PIEZO1: variants seen among roughly 807,000 people sequenced by gnomAD.
The protein encoded by PIEZO1 is piezo-type mechanosensitive ion channel component 1.
A neutral mutation model predicts 297.2 loss-of-function variants in PIEZO1; 296 were observed. The ratio of observed to expected loss-of-function variants is 1.00; its 90% CI spans 0.91 to 1.10. The LOEUF (loss-of-function observed/expected upper bound fraction) is 1.10, where lower values mean the gene tolerates loss of function less well. PIEZO1 is among the 50% of genes least tolerant of loss of function. The probability of loss-of-function intolerance (pLI) is 0.00; values close to 1 mark genes in which losing one functional copy is unlikely to be tolerated. For synonymous variants in PIEZO1, 2,427 were observed against 1,507.5 expected (o/e 1.61, Z -14.13); for missense variants, 5,018 against 3,455.5 (o/e 1.45, Z -11.34).
chr16:88,748,973 C>T (rs1031620114), intron 2 of PIEZO1, among the ~76,000 whole-genome samples: 2 of 144,792 alleles, frequency 1.4e-5, no homozygotes, highest in African/African-American at 5.1e-5. Context: ...CGCGGTGGCT[C>T]ACGTCTGTAA....
chr16:88,772,775 CA>C (rs59210137), intron 1 of PIEZO1, among the ~76,000 whole-genome samples: 241 of 122,446 alleles, frequency 2.0e-3, no homozygotes, highest in South Asian at 6.5e-3. Flanking sequence ...GAGACTCTGT[CA>C]AAAAAAAAAA....
In PIEZO1 at chr16:88,723,259, C is replaced by T; in HGVS notation, c.4405G>A (p.Ala1469Thr). Residue 1469 changes from alanine to threonine, a missense_variant, in exon 32 of 51, where the codon GCA becomes ACA. Coordinates refer to ENST00000301015, the MANE Select transcript of PIEZO1 (RefSeq NM_001142864.4). ...LRRRQQEQEQARQEQAGQLPT... is the reference protein window; with the variant it reads ...LRRRQQEQEQTRQEQAGQLPT... ...AGCTGTCCTGCCTGTTCCTGCCTTG[C>T]CTGCTCCTGCTCCTGCTGCCGCCGC... 6.6e-7 allele frequency: 1 copy of T among 1,508,620 alleles called. No homozygotes were observed. 93.5% of individuals were successfully genotyped at this position (1,508,620 alleles called of 1,614,324 possible).
intron 22 of PIEZO1, among the ~76,000 whole-genome samples, chr16:88,730,316 G>C (rs1904715325): frequency 6.6e-6 from 1 of 152,164 alleles, no homozygotes; most frequent in African/African-American, 2.4e-5. Context: ...ACGGGGCCGG[G>C]CGTGGCAGCT....
At position 88,720,511 on chromosome 16, in the gene PIEZO1, C is replaced by G; in HGVS notation, c.5823G>C (p.Pro1941=). Residue 1941 remains proline, a synonymous_variant, in exon 41 of 51, where the codon CCG becomes CCC. Transcript: ENST00000301015. ...GGATGTCGTGGAAGAAGCGCCGTAG[C>G]GGCCGATATGTGCCCTGGGCCCTGC... ...CLSLAQGTYR[P]LRRFFHDILH... The G allele has an allele frequency of 1.3e-6, 2 of 1,550,188 alleles. No homozygotes were observed. The highest frequency in any genetic ancestry group is 1.7e-6 in the Non-Finnish European group (2 of 1,146,952).
At chr16:88,732,144 GC>G (rs1597455071) in intron 21 of PIEZO1, among the ~76,000 whole-genome samples, 190 bp downstream of exon 21, 1 of 151,906 alleles carries the variant, frequency 6.6e-6, no homozygotes, top group East Asian at 1.9e-4. Context: ...ATCTAACTTG[GC>G]CCCCTGCCTG....
chr16:88,751,171 A>G (rs570132530), intron 1 of PIEZO1, among the ~76,000 whole-genome samples: 62 of 152,218 alleles, frequency 4.1e-4, no homozygotes, highest in African/African-American at 1.5e-3. Context: ...CCAAGACCCG[A>G]GCCTCACCCT....
chr16:88,766,444 G>C (rs936272891), intron 1 of PIEZO1, among the ~76,000 whole-genome samples: 2 of 152,220 alleles, frequency 1.3e-5, no homozygotes, highest in Non-Finnish European at 2.9e-5. Context: ...CACAGGTAGA[G>C]AGACATATCA....
intron 1 of PIEZO1, among the ~76,000 whole-genome samples, chr16:88,760,070 T>TCCACGCCTGGCCCCCCCC (rs1906858167): frequency 3.6e-5 from 5 of 140,130 alleles, no homozygotes; most frequent in South Asian, 2.2e-4. Flanking sequence ...TGACACCTGG[T>TCCACGCCTGGCCCCCCCC]CCACGCCTGG....
intron 30 of PIEZO1, 54 bp downstream of exon 30, chr16:88,724,955 A>T: frequency 8.8e-7 from 1 of 1,138,030 alleles, no homozygotes; most frequent in Non-Finnish European, 1.2e-6. Context: ...CAGAGGACAG[A>T]TGGGGGCACA....
At chr16:88,771,609 A>C (rs1907427124) in intron 1 of PIEZO1, among the ~76,000 whole-genome samples, 1 of 152,168 alleles carries the variant, frequency 6.6e-6, no homozygotes, top group Non-Finnish European at 1.5e-5. Flanking sequence ...CGGAGGTCCC[A>C]AGCTAGCCAT....
At chr16:88,732,269 G>T (rs1243728714) in intron 21 of PIEZO1, 66 bp downstream of exon 21, 2 of 1,395,868 alleles carry the variant, frequency 1.4e-6, no homozygotes, top group African/African-American at 1.4e-5. Context: ...TGCCTGCACG[G>T]TGCAGCCGTC....
Position 88,716,749 on chromosome 16 carries a change from C to A in PIEZO1, c.6754-18G>T. 2 of 1,548,432 alleles carry A rather than the reference C, an allele frequency of 1.3e-6. No homozygotes were observed. The highest frequency in any genetic ancestry group is 1.4e-5 in the African/African-American group (1 of 73,174). On this transcript the variant is annotated intron_variant, in intron 46 of 50. Transcript: ENST00000301015. ...ATGGCCAGCTGGGTACAAGTGACAC[C>A]CTCAGTGACTGCAGCCGCCTCCCCA... is the stretch of plus-strand genomic sequence containing the variant.
Position 88,784,975 on chromosome 16 carries a change from C to T in PIEZO1, c.-11G>A. The T allele has an allele frequency of 7.5e-7, 1 of 1,333,958 alleles. No individual in the cohort carries two copies. The highest frequency in any genetic ancestry group is 9.7e-7 in the Non-Finnish European group (1 of 1,033,802). 82.6% of individuals were successfully genotyped at this position (1,333,958 alleles called of 1,614,324 possible). On this transcript the variant is annotated 5_prime_UTR_variant, in exon 1 of 51. Transcript: ENST00000301015. ...CACGTGCGGCTCCATGGCTGGAGGGCCCAGGGCCCGGCCCAGACCGAGCGG... is the reference window on the plus strand; with the variant it reads ...CACGTGCGGCTCCATGGCTGGAGGGTCCAGGGCCCGGCCCAGACCGAGCGG...
intron 23 of PIEZO1, 121 bp downstream of exon 23, chr16:88,727,436 G>A (rs554651723): frequency 6.9e-5 from 44 of 638,956 alleles, no homozygotes; most frequent in African/African-American, 5.5e-4. Context: ...CCTGCAGGCC[G>A]CCATGTGCCT....
chr16:88,741,417 T>C, intron 5 of PIEZO1, 61 bp downstream of exon 5: 2 of 1,386,176 alleles, frequency 1.4e-6, no homozygotes, highest in Non-Finnish European at 1.9e-6. Flanking sequence ...ACCCTCAAAA[T>C]GGCTGAGACC....
At chr16:88,730,069 G>A (rs1904697763) in intron 22 of PIEZO1, among the ~76,000 whole-genome samples, 1 of 152,282 alleles carries the variant, frequency 6.6e-6, no homozygotes, top group Non-Finnish European at 1.5e-5. Flanking sequence ...GAGGTGGACA[G>A]GAGACGGGGA....
At chr16:88,784,768 C>A (rs534314528) in intron 1 of PIEZO1, 133 bp downstream of exon 1, 4 of 573,874 alleles carry the variant, frequency 7.0e-6, no homozygotes, top group South Asian at 4.1e-5. Context: ...GCGCCCGGGT[C>A]GCGCGTCCCT....
At chr16:88,767,291 C>G (rs1293255992) in intron 1 of PIEZO1, among the ~76,000 whole-genome samples, 1 of 152,162 alleles carries the variant, frequency 6.6e-6, no homozygotes, top group African/African-American at 2.4e-5. Flanking sequence ...TGTGGCTGTG[C>G]TGAGACCCCT....
At position 88,733,764 on chromosome 16, in the gene PIEZO1, C is replaced by T. The variant is rs1905031725; in HGVS notation, c.2330-19G>A. The T allele has an allele frequency of 2.7e-6, 4 of 1,508,752 alleles. No homozygotes were observed. The highest frequency in any genetic ancestry group is 2.7e-6 in the Non-Finnish European group (3 of 1,123,680). The allele number at this position is 1,508,752 out of a possible 1,614,324, so 93.5% of individuals were successfully genotyped here. A position where few individuals can be genotyped will look rare whatever the true frequency, so the allele number is the denominator to read the frequency against. On this transcript the variant is annotated intron_variant, in intron 17 of 50. Transcript: ENST00000301015. ...GCTGCCCCTGTGATGGTGTGAGGGT[C>T]AGTGCGGGGCACAAACGGGGATTCC... is the stretch of plus-strand genomic sequence containing the variant.
Sources: allele counts gnomAD v4.1 joint callset (sites outside exome capture counted in the v4.1 genomes callset), GRCh38; gene constraint gnomAD v4.1.1; transcripts MANE v1.5; gene names NCBI Gene and HGNC (gene_info 2026-07-23, HGNC 2026-07-21).